The following ATP2C2 variants were observed in gnomAD, a reference collection of about 807,000 sequenced individuals.
ATP2C2 encodes ATPase secretory pathway Ca2+ transporting 2.
In ATP2C2, 171 loss-of-function variants were observed where a neutral mutation model predicts 110.8. The ratio of observed to expected loss-of-function variants is 1.54; its 90% CI spans 1.36 to 1.75. ATP2C2 has a LOEUF of 1.75. Among genes scored for constraint, ATP2C2 ranks in the 40% most tolerant of loss-of-function variants. The pLI, the probability that ATP2C2 is intolerant of heterozygous loss-of-function variation, is 0.00. For missense variants in ATP2C2, 1,963 were observed against 1,235.0 expected, an observed-to-expected ratio of 1.59 and a Z score of -8.84; for synonymous variants, 804 against 508.4, an observed-to-expected ratio of 1.58 and a Z score of -7.82.
intron 21 of ATP2C2, 136 bp from the exon 22 acceptor site, chr16:84,458,984 C>T: frequency 3.3e-6 from 3 of 922,004 alleles, no homozygotes; most frequent in South Asian, 3.0e-5. Flanking sequence ...CCAAGAATGC[C>T]AGCAAGGGGA....
chr16:84,452,572 C>T (rs1255505633), intron 18 of ATP2C2, among the ~76,000 whole-genome samples: 1 of 143,328 alleles, frequency 7.0e-6, no homozygotes, highest in Non-Finnish European at 1.5e-5. Flanking sequence ...AATCTTGGCT[C>T]ACTGCAACCT....
In ATP2C2 at chr16:84,439,507, G is replaced by C; in HGVS notation, c.1192G>C (p.Asp398His). The C allele has an allele frequency of 4.3e-6, 7 of 1,614,188 alleles. No individual in the cohort carries two copies. Among genetic ancestry groups the C allele is most frequent in the South Asian group, 1.1e-5 (1 of 91,086 alleles). Residue 398 changes from aspartate (D) to histidine (H), a missense_variant, in exon 13 of 27, where the codon GAT (aspartate) becomes CAT (histidine). Physicochemically the swap from Asp to His is moderately conservative, Grantham distance 81. Transcript: ENST00000262429. ...EMTVTQLVTS[D>H]GLRAEVSGVG... ...GACAGTGACCCAGCTTGTAACGTCA[G>C]ATGGGCTTCGTGCCGAGGTGAGTGC... is the stretch of plus-strand genomic sequence containing the variant.
At chr16:84,372,613 T>TG (rs1418479020) in intron 1 of ATP2C2, among the ~76,000 whole-genome samples, 1 of 151,524 alleles carries the variant, frequency 6.6e-6, no homozygotes, top group African/African-American at 2.4e-5. Flanking sequence ...TTAGTAGAGA[T>TG]GGGGGTTTCA....
chr16:84,412,868 G>A lies in ATP2C2; in HGVS notation c.515+2103G>A, dbSNP rs958787885. 5.3e-5 allele frequency among the ~76,000 whole-genome samples: 8 copies of A among 152,106 alleles called. No homozygotes were observed. The East Asian group carries it at 1.5e-3, about 29-fold the overall frequency. ...CCCAGCACTTTGGGAGGCCGAGGTA[G>A]GCAGCTCACCTGAGGTCAGGAGTTC... On this transcript the variant is annotated intron_variant, in intron 6 of 26. Coordinates refer to ENST00000262429, the MANE Select transcript of ATP2C2 (RefSeq NM_014861.4).
chr16:84,404,864 T>C (rs1905610839), intron 2 of ATP2C2: 1 of 546,896 alleles, frequency 1.8e-6, no homozygotes, highest in Non-Finnish European at 3.5e-6. Flanking sequence ...TTTCTGGAAG[T>C]CTATGCTGCA....
At chr16:84,437,345 T>A (rs968334302) in intron 11 of ATP2C2, among the ~76,000 whole-genome samples, 1 of 151,882 alleles carries the variant, frequency 6.6e-6, no homozygotes, top group African/African-American at 2.4e-5. Flanking sequence ...AGGTGCACAC[T>A]GCCACACCCA....
intron 2 of ATP2C2, among the ~76,000 whole-genome samples, chr16:84,400,521 GT>G (rs1256526235): frequency 6.6e-6 from 1 of 152,020 alleles, no homozygotes; most frequent in Non-Finnish European, 1.5e-5. Flanking sequence ...TAGAGACGGG[GT>G]TTCACCGTGT....
intron 1 of ATP2C2, among the ~76,000 whole-genome samples, chr16:84,382,489 T>G (rs538518079): frequency 7.1e-4 from 108 of 152,284 alleles, no homozygotes; most frequent in Admixed American, 1.6e-3. Flanking sequence ...TTTTGCCATC[T>G]CTCAGGGTCA....
intron 17 of ATP2C2, among the ~76,000 whole-genome samples, chr16:84,450,772 C>G (rs1227668330): frequency 6.6e-6 from 1 of 152,106 alleles, no homozygotes; most frequent in Admixed American, 6.5e-5. Flanking sequence ...AGGCCCAGGG[C>G]AAGCTCACAG....
chr16:84,425,522 G>A (rs1030020223), intron 10 of ATP2C2, among the ~76,000 whole-genome samples: 1 of 148,570 alleles, frequency 6.7e-6, no homozygotes, highest in South Asian at 2.1e-4. Context: ...AATTTGGCTT[G>A]GACCTTTCCT....
At chr16:84,435,516 C>G (rs908304202) in intron 11 of ATP2C2, among the ~76,000 whole-genome samples, 1 of 152,208 alleles carries the variant, frequency 6.6e-6, no homozygotes, top group African/African-American at 2.4e-5. Flanking sequence ...GCTGGATTTT[C>G]TAATGCAGAG....
rs540714571 is a variant in ATP2C2 at position 84,406,513 on chromosome 16, C to T, written c.327+1269C>T. The T allele has an allele frequency of 2.4e-5, 21 of 876,942 alleles. 1 individual carries two copies. In the South Asian group the frequency reaches 4.7e-4, roughly 20 times the overall value. The allele number at this position is 876,942 out of a possible 1,614,324, so 54.3% of individuals were successfully genotyped here. On this transcript the variant is annotated intron_variant, in intron 3 of 26. Transcript: ENST00000262429. Reference sequence around the variant, plus strand: ...TACAGCTTCCTCCATTGGTCGATTCCGGAACCAATCACAGTCCCCTGGGCA... The same window carrying T: ...TACAGCTTCCTCCATTGGTCGATTCTGGAACCAATCACAGTCCCCTGGGCA...
intron 1 of ATP2C2, among the ~76,000 whole-genome samples, chr16:84,396,914 GC>G (rs1433518226): frequency 6.6e-6 from 1 of 152,036 alleles, no homozygotes; most frequent in African/African-American, 2.4e-5. Context: ...GGGTAGCACA[GC>G]TTTTCTAAGC....
At chr16:84,393,027 C>T (rs1205823755) in intron 1 of ATP2C2, among the ~76,000 whole-genome samples, 1 of 151,944 alleles carries the variant, frequency 6.6e-6, no homozygotes, top group African/African-American at 2.4e-5. Flanking sequence ...TTTTGAGTGC[C>T]TCAGCTTCAA....
At chr16:84,419,308 A>G (rs931724802) in intron 7 of ATP2C2, among the ~76,000 whole-genome samples, 1 of 149,382 alleles carries the variant, frequency 6.7e-6, no homozygotes, top group Non-Finnish European at 1.5e-5. Flanking sequence ...CCCAGCTTCT[A>G]GAAGCCGCCT....
At chr16:84,446,454 T>G in intron 16 of ATP2C2, 24 bp downstream of exon 16, 1 of 1,522,798 alleles carries the variant, frequency 6.6e-7, no homozygotes, top group Non-Finnish European at 8.9e-7. Flanking sequence ...ATCTTCAACC[T>G]CTTCTCTCTT....
At chr16:84,448,913 G>C (rs1465475694) in intron 17 of ATP2C2, among the ~76,000 whole-genome samples, 1 of 152,042 alleles carries the variant, frequency 6.6e-6, no homozygotes, top group Non-Finnish European at 1.5e-5. Flanking sequence ...CAGAGAAGAG[G>C]GTACCCTCCC....
At chr16:84,418,071 C>T (rs1184255211) in intron 7 of ATP2C2, among the ~76,000 whole-genome samples, 1 of 152,172 alleles carries the variant, frequency 6.6e-6, no homozygotes, top group African/African-American at 2.4e-5. Context: ...AGAGGCTGAG[C>T]TGGTACAGCC....
intron 2 of ATP2C2, among the ~76,000 whole-genome samples, chr16:84,399,078 C>T (rs1348298021): frequency 6.6e-6 from 1 of 152,256 alleles, no homozygotes; most frequent in Non-Finnish European, 1.5e-5. Flanking sequence ...TCCCAAGTTT[C>T]TCAAGTGAGT....
Sources: allele counts gnomAD v4.1 joint callset (sites outside exome capture counted in the v4.1 genomes callset), GRCh38; gene constraint gnomAD v4.1.1; transcripts MANE v1.5; gene names NCBI Gene and HGNC (gene_info 2026-07-23, HGNC 2026-07-21).